Variants in SLC16A12 observed in about 807,000 individuals in gnomAD.
The protein encoded by SLC16A12 is monocarboxylate transporter 12.
In SLC16A12, 17 loss-of-function variants were observed where a neutral mutation model predicts 42.4. The observed-to-expected ratio is 0.40, with a 90% CI of 0.27 to 0.60. The LOEUF is 0.60. SLC16A12 is among the 20% of genes least tolerant of loss of function. The pLI is 0.42. For synonymous variants in SLC16A12, 224 were observed against 229.4 expected, an observed-to-expected ratio of 0.98 and a Z score of 0.21; for missense variants, 544 against 623.0, an observed-to-expected ratio of 0.87 and a Z score of 1.35.
At chr10:89,484,449 T>C (rs1842717956) in intron 2 of SLC16A12, among the ~76,000 whole-genome samples, 1 of 152,174 alleles carries the variant, frequency 6.6e-6, no homozygotes, top group Non-Finnish European at 1.5e-5. Flanking sequence ...CAACTCACAG[T>C]TGTGGGTACG....
At chr10:89,489,642 T>C (rs1023791382) in intron 2 of SLC16A12, among the ~76,000 whole-genome samples, 6 of 152,194 alleles carry the variant, frequency 3.9e-5, no homozygotes, top group Non-Finnish European at 1.5e-5. Context: ...GTGCCAGTCC[T>C]TAAAGTAATT....
chr10:89,554,887 A>G (rs1411329253), intron 2 of SLC16A12, among the ~76,000 whole-genome samples: 1 of 152,130 alleles, frequency 6.6e-6, no homozygotes, highest in Non-Finnish European at 1.5e-5. Flanking sequence ...TTTCATCTTC[A>G]TAAAGCTAAA....
At chr10:89,488,168 C>T (rs1842791945) in intron 2 of SLC16A12, among the ~76,000 whole-genome samples, 1 of 151,606 alleles carries the variant, frequency 6.6e-6, no homozygotes, top group Non-Finnish European at 1.5e-5. Flanking sequence ...ACTAGAAGCC[C>T]AAACCTTACC....
intron 2 of SLC16A12, among the ~76,000 whole-genome samples, chr10:89,524,377 C>T (rs888508123): frequency 1.3e-5 from 2 of 152,172 alleles, no homozygotes; most frequent in Non-Finnish European, 2.9e-5. Flanking sequence ...CTCGCTCCTG[C>T]CTGCTCCTCT....
At position 89,487,462 on chromosome 10, in the gene SLC16A12, A is replaced by G. The variant is rs116489516; in HGVS notation, c.-46-24838T>C. 7.0e-3 allele frequency among the ~76,000 whole-genome samples: 1,058 copies of G among 152,146 alleles called. 11 individuals are homozygous for G. Among genetic ancestry groups the G allele is most frequent in the African/African-American group, 0.024 (1,000 of 41,494 alleles). ...TTCTCAAAGAACTAAAAATAGAACT[A>G]CCATTCAACCCACCAATCACACTAC... On this transcript the variant is annotated intron_variant, in intron 2 of 7. Transcript: ENST00000371790.
intron 2 of SLC16A12, among the ~76,000 whole-genome samples, chr10:89,527,924 A>G (rs542119950): frequency 6.6e-6 from 1 of 152,210 alleles, no homozygotes; most frequent in Non-Finnish European, 1.5e-5. Context: ...TTTCTCAAAA[A>G]CAATAAATCC....
In SLC16A12 at chr10:89,547,966, C is replaced by CAA. The variant is rs60543445; in HGVS notation, c.-47+7914_-47+7915dup. On this transcript the variant is annotated intron_variant, in intron 2 of 2. Coordinates refer to the SLC16A12 transcript ENST00000475682. Reference sequence around the variant, plus strand: ...TCAAGCCACTGCACTCCAGCCTGGGCAAAAAAAAAAAAAAAAAAAAAAGTG... The same window carrying CAA: ...TCAAGCCACTGCACTCCAGCCTGGGCAAAAAAAAAAAAAAAAAAAAAAAAGTG... Among the ~76,000 whole-genome samples, 483 of 81,504 alleles carry CAA rather than the reference C, an allele frequency of 5.9e-3. 3 individuals are homozygous for CAA. Among genetic ancestry groups the CAA allele is most frequent in the African/African-American group, 0.011 (229 of 21,516 alleles). The allele number at this position is 81,504 out of a possible 152,430, so 53.5% of individuals were successfully genotyped here.
intron 3 of SLC16A12, among the ~76,000 whole-genome samples, chr10:89,454,154 T>C (rs1333144640): frequency 6.6e-6 from 1 of 151,894 alleles, no homozygotes; most frequent in Non-Finnish European, 1.5e-5. Flanking sequence ...GCCTCTCCAA[T>C]AGCTGGAACC....
rs537917748 is a variant in SLC16A12, at chr10:89,540,833, G to A, written c.-47+15049C>T. On this transcript the variant is annotated intron_variant, in intron 2 of 2. Coordinates refer to the SLC16A12 transcript ENST00000475682. ...TTCTGGAGTCATGGTATAACTGAAA[G>A]GCATTGAATTTGAAATCAGAAAACC... 2.6e-5 allele frequency among the ~76,000 whole-genome samples: 4 copies of A among 152,048 alleles called. No individual in the cohort carries two copies. The East Asian group carries it at 7.7e-4, about 29-fold the overall frequency.
intron 3 of SLC16A12, among the ~76,000 whole-genome samples, chr10:89,457,284 A>G (rs937443805): frequency 6.6e-6 from 1 of 152,224 alleles, no homozygotes; most frequent in African/African-American, 2.4e-5. Context: ...CTTACAAGAA[A>G]AAAAACAAAC....
At chr10:89,468,777 T>C (rs935353870) in intron 2 of SLC16A12, among the ~76,000 whole-genome samples, 1 of 152,180 alleles carries the variant, frequency 6.6e-6, no homozygotes, top group Non-Finnish European at 1.5e-5. Context: ...TGAGCATTCT[T>C]GTAAATAATT....
At chr10:89,455,602 G>T (rs1173987882) in intron 3 of SLC16A12, among the ~76,000 whole-genome samples, 1 of 152,118 alleles carries the variant, frequency 6.6e-6, no homozygotes, top group Non-Finnish European at 1.5e-5. Context: ...TTGAGTAGTA[G>T]TTTCATGATG....
At chr10:89,518,070 G>A (rs1843284987) in intron 2 of SLC16A12, among the ~76,000 whole-genome samples, 1 of 152,154 alleles carries the variant, frequency 6.6e-6, no homozygotes, top group Admixed American at 6.5e-5. Context: ...TAGGGTTAGG[G>A]CATCTTCATT....
At chr10:89,450,565 C>T (rs1247253174) in intron 3 of SLC16A12, among the ~76,000 whole-genome samples, 1 of 152,178 alleles carries the variant, frequency 6.6e-6, no homozygotes, top group Non-Finnish European at 1.5e-5. Flanking sequence ...AATGAGAACA[C>T]TTGGACACAG....
intron 2 of SLC16A12, among the ~76,000 whole-genome samples, chr10:89,505,584 G>T (rs1468723692): frequency 6.6e-6 from 1 of 152,116 alleles, no homozygotes; most frequent in Admixed American, 6.5e-5. Flanking sequence ...TGGACAGTGG[G>T]TGCAGCCCAC....
intron 7 of SLC16A12, among the ~76,000 whole-genome samples, chr10:89,435,386 G>A (rs2133678096): frequency 6.6e-6 from 1 of 152,100 alleles, no homozygotes; most frequent in South Asian, 2.1e-4. Flanking sequence ...GCTAAATTCT[G>A]CTGAATTTTG....
upstream of SLC16A12, among the ~76,000 whole-genome samples, chr10:89,536,186 T>TCC (rs1843658090): frequency 6.6e-6 from 1 of 152,052 alleles, no homozygotes; most frequent in Non-Finnish European, 1.5e-5. Flanking sequence ...CAAAAAGAAC[T>TCC]TTTCCCCTCA....
chr10:89,516,578 C>T (rs1564596563), intron 2 of SLC16A12, among the ~76,000 whole-genome samples: 1 of 152,192 alleles, frequency 6.6e-6, no homozygotes, highest in Non-Finnish European at 1.5e-5. Context: ...GGCAAATTGG[C>T]TGAATTAAGC....
chr10:89,497,865 T>C (rs1485281196), intron 2 of SLC16A12, among the ~76,000 whole-genome samples: 1 of 152,194 alleles, frequency 6.6e-6, no homozygotes, highest in Non-Finnish European at 1.5e-5. Flanking sequence ...GTATGTATGT[T>C]ACTATGTAAT....
Sources: allele counts gnomAD v4.1 joint callset (sites outside exome capture counted in the v4.1 genomes callset), GRCh38; gene constraint gnomAD v4.1.1; transcripts MANE v1.5; gene names NCBI Gene and HGNC (gene_info 2026-07-23, HGNC 2026-07-21).